SUGCT: variants seen among roughly 807,000 people sequenced by gnomAD.
SUGCT encodes succinyl-CoA:glutarate-CoA transferase, also known as succinyl-CoA:glutarate CoA-transferase.
SUGCT carries 41 observed loss-of-function variants against 55.0 expected under a neutral mutation model. That is an observed-to-expected ratio of 0.74 (90% CI 0.58 to 0.97). SUGCT has a LOEUF of 0.97. Among genes scored for constraint, SUGCT ranks in the 50% least tolerant of loss-of-function variants. The probability of loss-of-function intolerance (pLI) is 0.00; values close to 1 mark genes in which losing one functional copy is unlikely to be tolerated. For missense variants in SUGCT, 568 were observed against 547.8 expected (o/e 1.04, Z -0.37); for synonymous variants, 187 against 200.4 (o/e 0.93, Z 0.56).
intron 9 of SUGCT, among the ~76,000 whole-genome samples, chr7:40,355,001 T>C (rs1018999362): frequency 3.9e-5 from 6 of 152,202 alleles, no homozygotes; most frequent in African/African-American, 9.7e-5. Flanking sequence ...TTACCTCGTA[T>C]TGGGAAATCG....
intron 12 of SUGCT, among the ~76,000 whole-genome samples, chr7:40,639,301 A>G (rs1800158663): frequency 6.6e-6 from 1 of 152,182 alleles, no homozygotes; most frequent in Admixed American, 6.5e-5. Flanking sequence ...CAGCAAAAAA[A>G]TCAGTTCTAA....
the SUGCT span, among the ~76,000 whole-genome samples, chr7:40,922,325 A>G: frequency 6.6e-6 from 1 of 152,074 alleles, no homozygotes; most frequent in Non-Finnish European, 1.5e-5. Flanking sequence ...GAGCACCAGC[A>G]CTCCAAGTCC....
chr7:40,900,586 C>T, the SUGCT span, among the ~76,000 whole-genome samples: 1 of 152,212 alleles, frequency 6.6e-6, no homozygotes, highest in Non-Finnish European at 1.5e-5. Context: ...AACGCATCGT[C>T]TGTGCCCAAG....
chr7:40,496,207 A>ATG, intron 11 of SUGCT, 77 bp from the exon 12 acceptor site: 2 of 874,852 alleles, frequency 2.3e-6, no homozygotes, highest in Non-Finnish European at 3.7e-6. Flanking sequence ...GCTTGCTTTC[A>ATG]AAGAGGGCCA....
chr7:40,235,822 G>T (rs1048853226), intron 6 of SUGCT, among the ~76,000 whole-genome samples: 1 of 152,098 alleles, frequency 6.6e-6, no homozygotes, highest in Non-Finnish European at 1.5e-5. Flanking sequence ...TAAGTGCTGT[G>T]GCAACATATA....
At chr7:40,540,551 C>T (rs75831226) in intron 12 of SUGCT, among the ~76,000 whole-genome samples, 2,204 of 152,350 alleles carry the variant, frequency 0.014, 50 homozygotes, top group African/African-American at 0.05. Flanking sequence ...ACAGAAAATA[C>T]AGCTTCCTGC....
At chr7:40,374,815 CAT>C (rs1391358976) in intron 9 of SUGCT, among the ~76,000 whole-genome samples, 1 of 152,066 alleles carries the variant, frequency 6.6e-6, no homozygotes, top group African/African-American at 2.4e-5. Context: ...CATGGTGAGA[CAT>C]ATGTGGGCGT....
chr7:40,538,056 A>G (rs1448986039), intron 12 of SUGCT: 1 of 152,110 alleles, frequency 6.6e-6, no homozygotes, highest in Admixed American at 6.5e-5. Flanking sequence ...CCTCATTTGC[A>G]TTCATCTGTA....
chr7:40,805,265 G>A (rs1293496808), intron 13 of SUGCT, among the ~76,000 whole-genome samples: 2 of 152,110 alleles, frequency 1.3e-5, no homozygotes, highest in African/African-American at 4.8e-5. Flanking sequence ...TGCCCTTTGA[G>A]CCTCATGCAT....
intron 12 of SUGCT, among the ~76,000 whole-genome samples, chr7:40,732,733 G>GCA (rs1172639325): frequency 6.6e-6 from 1 of 152,186 alleles, no homozygotes; most frequent in Non-Finnish European, 1.5e-5. Flanking sequence ...TGGGTGTTGA[G>GCA]ATGTGATAGT....
intron 1 of SUGCT, among the ~76,000 whole-genome samples, chr7:40,175,904 A>AC (rs984987924): frequency 2.3e-4 from 35 of 152,016 alleles, no homozygotes; most frequent in Non-Finnish European, 5.1e-4. Flanking sequence ...TGAAAGCTCC[A>AC]CATGTATTGA....
chr7:40,192,207 A>G (rs796318702), intron 5 of SUGCT, among the ~76,000 whole-genome samples: 19 of 152,222 alleles, frequency 1.2e-4, no homozygotes, highest in African/African-American at 4.3e-4. Context: ...GTTTATAGAA[A>G]CAGTTCCAAA....
intron 1 of SUGCT, among the ~76,000 whole-genome samples, chr7:40,138,791 A>AT (rs1787828434): frequency 6.6e-6 from 1 of 152,208 alleles, no homozygotes; most frequent in African/African-American, 2.4e-5. Flanking sequence ...TCATGGCAGT[A>AT]CACAGAAATT....
intron 13 of SUGCT, among the ~76,000 whole-genome samples, chr7:40,857,868 A>G (rs1215171599): frequency 6.6e-6 from 1 of 152,148 alleles, no homozygotes; most frequent in African/African-American, 2.4e-5. Context: ...GATCACTTTA[A>G]AATGGTTAAT....
chr7:40,817,889 C>G (rs1791760076), intron 13 of SUGCT, among the ~76,000 whole-genome samples: 1 of 152,312 alleles, frequency 6.6e-6, no homozygotes, highest in Non-Finnish European at 1.5e-5. Context: ...AGGTAGTGAT[C>G]TGCAGAGTCA....
At chr7:40,479,684 C>T (rs1352590369) in intron 11 of SUGCT, among the ~76,000 whole-genome samples, 2 of 152,088 alleles carry the variant, frequency 1.3e-5, no homozygotes, top group African/African-American at 4.8e-5. Flanking sequence ...CCCTGCCACA[C>T]TTGTTATTTT....
chr7:40,270,498 A>G (rs978715330), intron 7 of SUGCT, among the ~76,000 whole-genome samples: 2 of 152,170 alleles, frequency 1.3e-5, no homozygotes, highest in African/African-American at 4.8e-5. Context: ...GACTCTTCCA[A>G]TTGAATTGTG....
At chr7:40,851,748 G>A (rs1793865105) in intron 13 of SUGCT, among the ~76,000 whole-genome samples, 1 of 152,122 alleles carries the variant, frequency 6.6e-6, no homozygotes, top group South Asian at 2.1e-4. Context: ...GTCTGTTGAA[G>A]GACAAGAATA....
chr7:40,938,625 T>A, the SUGCT span, among the ~76,000 whole-genome samples: 5 of 152,158 alleles, frequency 3.3e-5, no homozygotes, highest in African/African-American at 1.2e-4. Flanking sequence ...TTGTACCCAA[T>A]ATCTATTACT....
Sources: gnomAD v4.1 joint callset for allele counts (sites outside exome capture counted in the v4.1 genomes callset) on GRCh38, gnomAD v4.1.1 for gene constraint, MANE v1.5 for transcripts, NCBI Gene and HGNC (gene_info 2026-07-23, HGNC 2026-07-21) for gene names.